The following FOXN3 variants were observed in gnomAD, a reference collection of about 807,000 sequenced individuals.
FOXN3 encodes the protein forkhead box N3.
A neutral mutation model predicts 38.4 loss-of-function variants in FOXN3; 7 were observed. The observed-to-expected ratio is 0.18, with a 90% CI of 0.10 to 0.34. The LOEUF is 0.34. Among genes scored for constraint, FOXN3 ranks in the 10% least tolerant of loss-of-function variants. FOXN3 has a pLI of 1.00. For synonymous variants in FOXN3, 230 were observed against 242.2 expected (o/e 0.95, Z 0.47); for missense variants, 456 against 613.4 (o/e 0.74, Z 2.71).
intron 4 of FOXN3, among the ~76,000 whole-genome samples, chr14:89,216,415 C>T (rs1884284005): frequency 6.6e-6 from 1 of 152,142 alleles, no homozygotes; most frequent in Non-Finnish European, 1.5e-5. Context: ...AGAATAGATG[C>T]ATTCAGAATG....
chr14:89,605,579 A>C (rs902098478), intron 1 of FOXN3, among the ~76,000 whole-genome samples: 1 of 152,180 alleles, frequency 6.6e-6, no homozygotes, highest in African/African-American at 2.4e-5. Context: ...TATTTCAGTT[A>C]AAAGACAATT....
At chr14:89,186,656 C>T (rs965366007) in intron 4 of FOXN3, among the ~76,000 whole-genome samples, 4 of 152,178 alleles carry the variant, frequency 2.6e-5, no homozygotes, top group African/African-American at 4.8e-5. Context: ...CTATAGAGCG[C>T]GTGAGACATG....
intron 4 of FOXN3, among the ~76,000 whole-genome samples, chr14:89,186,874 A>T (rs1887822046): frequency 6.6e-6 from 1 of 152,200 alleles, no homozygotes; most frequent in Non-Finnish European, 1.5e-5. Context: ...CAAGCAAGAC[A>T]TGGTGTGCTG....
chr14:89,448,350 A>C (rs2139707177), intron 1 of FOXN3, among the ~76,000 whole-genome samples: 1 of 152,254 alleles, frequency 6.6e-6, no homozygotes, highest in South Asian at 2.1e-4. Flanking sequence ...TGAAGCTTAA[A>C]GTTCCCAGCC....
intron 1 of FOXN3, among the ~76,000 whole-genome samples, chr14:89,444,772 G>A (rs191283524): frequency 4.5e-4 from 69 of 152,188 alleles, no homozygotes; most frequent in African/African-American, 1.4e-3. Context: ...TGTTTTTATG[G>A]CTGCAGTGGA....
At chr14:89,526,427 C>T (rs371786289) in intron 1 of FOXN3, among the ~76,000 whole-genome samples, 7 of 152,198 alleles carry the variant, frequency 4.6e-5, no homozygotes, top group African/African-American at 1.7e-4. Flanking sequence ...CAAGATACAA[C>T]ATCAATATAC....
intron 2 of FOXN3, among the ~76,000 whole-genome samples, chr14:89,351,545 C>G (rs796565665): frequency 5.9e-5 from 9 of 152,148 alleles, no homozygotes; most frequent in African/African-American, 2.2e-4. Context: ...TCCTGTGAGG[C>G]CCACTTCCTG....
chr14:89,425,955 T>A (rs1328424155), intron 1 of FOXN3, among the ~76,000 whole-genome samples: 1 of 152,178 alleles, frequency 6.6e-6, no homozygotes, highest in Non-Finnish European at 1.5e-5. Flanking sequence ...CTAATACACA[T>A]TTTATCCATA....
intron 1 of FOXN3, among the ~76,000 whole-genome samples, chr14:89,515,874 G>A (rs1894190151): frequency 6.6e-6 from 1 of 152,214 alleles, no homozygotes; most frequent in South Asian, 2.1e-4. Context: ...CCCCATTTCT[G>A]CAGCCCTTGG....
At position 89,193,531 on chromosome 14, in the gene FOXN3, AC is replaced by A. The variant is rs201012879; in HGVS notation, c.746-12726del. 8.5e-4 allele frequency among the ~76,000 whole-genome samples: 128 copies of A among 150,918 alleles called. 1 individual carries two copies. The East Asian group carries it at 0.021, about 25-fold the overall frequency. ...GTAGAGCATCCACCTATGACCCCCCACCCCCCCACCTTCTGTTATTCATCAA... is the reference window on the plus strand; with the variant it reads ...GTAGAGCATCCACCTATGACCCCCCACCCCCCACCTTCTGTTATTCATCAA... On this transcript the variant is annotated intron_variant, in intron 4 of 5. Transcript: ENST00000557258.
intron 2 of FOXN3, among the ~76,000 whole-genome samples, chr14:89,381,145 CAAAAAAAAAA>C (rs71130067): frequency 2.5e-4 from 16 of 64,218 alleles, no homozygotes; most frequent in Admixed American, 2.5e-4. Context: ...CCCTCCGTCT[CAAAAAAAAAA>C]AAAAAAAAAA....
rs1467904145 is a variant in FOXN3, at chr14:89,267,836, G to A, written c.745+13114C>T. Among the ~76,000 whole-genome samples, 9 of 151,624 alleles carry A rather than the reference G, an allele frequency of 5.9e-5. 1 individual carries two copies. The highest frequency in any genetic ancestry group is 4.6e-4 in the Admixed American group (7 of 15,236). On this transcript the variant is annotated intron_variant, in intron 4 of 5. Transcript: ENST00000557258. The stretch of plus-strand genomic sequence containing the variant: ...GTTGGCGGTGGGGGCCGTGGCAGGG[G>A]GTGAACACAGTTCTTCTCTATATAA...
intron 2 of FOXN3, among the ~76,000 whole-genome samples, chr14:89,406,600 G>A (rs145372478): frequency 6.6e-6 from 1 of 152,234 alleles, no homozygotes; most frequent in African/African-American, 2.4e-5. Context: ...AGGGTTTAGT[G>A]AGGAAGAAAT....
At chr14:89,567,866 G>A (rs977815841) in intron 1 of FOXN3, among the ~76,000 whole-genome samples, 2 of 151,692 alleles carry the variant, frequency 1.3e-5, no homozygotes, top group Admixed American at 6.6e-5. Flanking sequence ...GGGATTACAG[G>A]TGCCCGCCAC....
chr14:89,253,388 T>C (rs987527138), intron 4 of FOXN3, among the ~76,000 whole-genome samples: 2 of 152,086 alleles, frequency 1.3e-5, no homozygotes, highest in African/African-American at 4.8e-5. Flanking sequence ...AAGGTGGAGA[T>C]TCGGTTCCAG....
intron 2 of FOXN3, among the ~76,000 whole-genome samples, chr14:89,400,357 C>CT (rs1405482809): frequency 2.6e-5 from 4 of 152,282 alleles, no homozygotes; most frequent in Admixed American, 2.6e-4. Context: ...CACCTATGCA[C>CT]TGTGTTTCAG....
In FOXN3 at chr14:89,337,002, T is replaced by C. The variant is rs550635905; in HGVS notation, c.680+13670A>G. Among the ~76,000 whole-genome samples the C allele has an allele frequency of 1.6e-4, 24 of 152,264 alleles. No homozygotes were observed. The East Asian group carries it at 2.5e-3, about 16-fold the overall frequency. On this transcript the variant is annotated intron_variant, in intron 3 of 5. Transcript: ENST00000557258. The stretch of plus-strand genomic sequence containing the variant: ...GGGCTTTAATAAGAATAAAATTCCA[T>C]TGGAGTCACCGTATGTCCAATCCTT...
At chr14:89,566,085 TGGGC>T (rs1157618699) in intron 1 of FOXN3, among the ~76,000 whole-genome samples, 1 of 152,222 alleles carries the variant, frequency 6.6e-6, no homozygotes, top group South Asian at 2.1e-4. Context: ...TCCTGGCCGG[TGGGC>T]TCCTCGGAAC....
At chr14:89,166,772 A>G (rs1887253178) in intron 5 of FOXN3, among the ~76,000 whole-genome samples, 1 of 152,214 alleles carries the variant, frequency 6.6e-6, no homozygotes, top group South Asian at 2.1e-4. Flanking sequence ...TAAGTTACAC[A>G]CAAAACTCAG....
Sources: allele counts gnomAD v4.1 joint callset (sites outside exome capture counted in the v4.1 genomes callset), GRCh38; gene constraint gnomAD v4.1.1; transcripts MANE v1.5; gene names NCBI Gene and HGNC (gene_info 2026-07-23, HGNC 2026-07-21).